GPC6: variants seen among roughly 807,000 people sequenced by gnomAD.
GPC6 encodes the protein glypican-6.
In GPC6, 14 loss-of-function variants were observed where a neutral mutation model predicts 55.2. The observed-to-expected ratio is 0.25, with a 90% CI of 0.17 to 0.40. The LOEUF is 0.40. Ranked by LOEUF, GPC6 falls within the 10% of genes least tolerant of loss-of-function variation. The pLI, the probability that GPC6 is intolerant of heterozygous loss-of-function variation, is 1.00. For missense variants in GPC6, 641 were observed against 708.5 expected (o/e 0.90, Z 1.08); for synonymous variants, 278 against 259.6 (o/e 1.07, Z -0.68).
chr13:93,324,908 C>T (rs1411665315), intron 1 of GPC6, among the ~76,000 whole-genome samples: 3 of 151,850 alleles, frequency 2.0e-5, no homozygotes, highest in African/African-American at 7.3e-5. Flanking sequence ...GTTTTTAGGC[C>T]CCTCTAGTAG....
At chr13:93,372,990 C>G (rs1048218119) in intron 1 of GPC6, among the ~76,000 whole-genome samples, 1 of 152,134 alleles carries the variant, frequency 6.6e-6, no homozygotes. Context: ...GGTCGTCTTT[C>G]CTTCAGCACT....
At chr13:93,321,898 A>G (rs1249228151) in intron 1 of GPC6, among the ~76,000 whole-genome samples, 3 of 152,144 alleles carry the variant, frequency 2.0e-5, no homozygotes, top group Admixed American at 6.5e-5. Flanking sequence ...GTGGGGTTAC[A>G]TCTAGAAGTA....
chr13:93,602,583 TG>T (rs1878061915), intron 2 of GPC6, among the ~76,000 whole-genome samples: 1 of 151,386 alleles, frequency 6.6e-6, no homozygotes, highest in South Asian at 2.1e-4. Flanking sequence ...TAAATAATCT[TG>T]GGGGAAGATG....
intron 1 of GPC6, among the ~76,000 whole-genome samples, chr13:93,296,749 A>C (rs1878507140): frequency 6.6e-6 from 1 of 152,152 alleles, no homozygotes; most frequent in Non-Finnish European, 1.5e-5. Flanking sequence ...TGGGCCAATC[A>C]AGTTCCCTTT....
chr13:94,170,471 C>G (rs1016865915), intron 4 of GPC6, among the ~76,000 whole-genome samples: 1 of 152,110 alleles, frequency 6.6e-6, no homozygotes, highest in African/African-American at 2.4e-5. Flanking sequence ...AGCCCAGTAG[C>G]CGCTGTGTGC....
At chr13:93,938,954 T>C (rs1277654525) in intron 3 of GPC6, among the ~76,000 whole-genome samples, 1 of 151,878 alleles carries the variant, frequency 6.6e-6, no homozygotes, top group East Asian at 1.9e-4. Flanking sequence ...ATACAAAATT[T>C]AGCTGTGCGT....
chr13:93,920,043 C>T (rs1186316638), intron 3 of GPC6, among the ~76,000 whole-genome samples: 1 of 152,130 alleles, frequency 6.6e-6, no homozygotes, highest in East Asian at 1.9e-4. Context: ...TAATAATCTA[C>T]AGTTAATGTT....
intron 5 of GPC6, among the ~76,000 whole-genome samples, chr13:94,296,475 G>C (rs1875339941): frequency 1.3e-5 from 2 of 152,204 alleles, no homozygotes; most frequent in South Asian, 4.1e-4. Context: ...CTACTTAAGA[G>C]AAGAGCACCT....
intron 4 of GPC6, among the ~76,000 whole-genome samples, chr13:94,157,754 G>C (rs1046445951): frequency 2.6e-5 from 4 of 152,154 alleles, no homozygotes; most frequent in African/African-American, 9.7e-5. Flanking sequence ...CTACACTGGA[G>C]GAATGAAAAC....
At chr13:93,882,218 G>T (rs548637431) in intron 3 of GPC6, among the ~76,000 whole-genome samples, 9 of 151,814 alleles carry the variant, frequency 5.9e-5, no homozygotes, top group Non-Finnish European at 7.4e-5. Context: ...GCAGTGGCAT[G>T]ATCTCAACTC....
intron 3 of GPC6, among the ~76,000 whole-genome samples, chr13:93,847,668 C>T (rs2139007294): frequency 6.6e-6 from 1 of 152,238 alleles, no homozygotes; most frequent in East Asian, 1.9e-4. Flanking sequence ...TGCTTATCTC[C>T]ATGAGGAAGG....
chr13:93,632,712 C>T (rs997128917), intron 2 of GPC6, among the ~76,000 whole-genome samples: 2 of 150,780 alleles, frequency 1.3e-5, no homozygotes, highest in Admixed American at 6.6e-5. Flanking sequence ...AAATTATGTA[C>T]AACGATAGAC....
At chr13:94,332,668 A>G (rs1010184978) in intron 6 of GPC6, among the ~76,000 whole-genome samples, 1 of 152,242 alleles carries the variant, frequency 6.6e-6, no homozygotes, top group Non-Finnish European at 1.5e-5. Context: ...AGAAATAATA[A>G]TGCCGTTGTG....
chr13:93,777,678 T>G (rs536747657), intron 2 of GPC6, among the ~76,000 whole-genome samples: 160 of 152,312 alleles, frequency 1.1e-3, no homozygotes, highest in African/African-American at 3.7e-3. Flanking sequence ...TACATTTAAT[T>G]GCTGTCCTGA....
At chr13:93,407,725 T>A (rs922516396) in intron 1 of GPC6, among the ~76,000 whole-genome samples, 1 of 152,182 alleles carries the variant, frequency 6.6e-6, no homozygotes, top group Non-Finnish European at 1.5e-5. Flanking sequence ...AAGCCTTGGA[T>A]GACAAGGGTT....
chr13:93,588,053 G>C (rs969393610), intron 2 of GPC6, among the ~76,000 whole-genome samples: 2 of 152,172 alleles, frequency 1.3e-5, no homozygotes, highest in Non-Finnish European at 2.9e-5. Flanking sequence ...GAAAGAGGCA[G>C]CTGTCCCTAA....
At chr13:94,306,207 AG>A in intron 6 of GPC6, 84 bp downstream of exon 6, 1 of 1,465,702 alleles carries the variant, frequency 6.8e-7, no homozygotes, top group Non-Finnish European at 9.5e-7. Flanking sequence ...ATTCTGGAAA[AG>A]TTTGTTATAA....
intron 3 of GPC6, among the ~76,000 whole-genome samples, chr13:93,899,246 G>A (rs751639658): frequency 1.4e-4 from 21 of 151,900 alleles, no homozygotes; most frequent in Non-Finnish European, 2.4e-4. Flanking sequence ...GATCCCTAAC[G>A]TGGAGCTTGC....
At chr13:94,083,142 G>A (rs1448547590) in intron 4 of GPC6, among the ~76,000 whole-genome samples, 3 of 151,988 alleles carry the variant, frequency 2.0e-5, no homozygotes, top group African/African-American at 2.4e-5. Flanking sequence ...TTTTTGAGAC[G>A]GAGTCTCGCT....
Sources: allele counts gnomAD v4.1 joint callset (sites outside exome capture counted in the v4.1 genomes callset), GRCh38; gene constraint gnomAD v4.1.1; transcripts MANE v1.5; gene names NCBI Gene and HGNC (gene_info 2026-07-23, HGNC 2026-07-21).